Variants in ESR1 observed in about 807,000 individuals in gnomAD.
ESR1 encodes estrogen receptor 1, also known as estrogen receptor.
A neutral mutation model predicts 52.7 loss-of-function variants in ESR1; 12 were observed. The ratio of observed to expected loss-of-function variants is 0.23; its 90% confidence interval spans 0.15 to 0.37. ESR1 has a LOEUF of 0.37. Among genes scored for constraint, ESR1 ranks in the 10% least tolerant of loss-of-function variants. ESR1 has a pLI of 1.00. For missense variants in ESR1, 584 were observed against 779.7 expected (o/e 0.75, Z 2.99); for synonymous variants, 305 against 316.8 (o/e 0.96, Z 0.39).
At chr6:151,735,506 C>T (rs1782574963) in intron 2 of ESR1, among the ~76,000 whole-genome samples, 1 of 152,064 alleles carries the variant, frequency 6.6e-6, no homozygotes, top group Non-Finnish European at 1.5e-5. Context: ...TGGTCCCCTC[C>T]TAGAAGATAA....
intron 1 of ESR1, among the ~76,000 whole-genome samples, chr6:151,680,965 GC>G (rs888909029): frequency 3.3e-5 from 5 of 152,122 alleles, no homozygotes; most frequent in African/African-American, 1.2e-4. Context: ...AGGGGTAGAC[GC>G]CCCGTCTCTG....
intron 3 of ESR1, among the ~76,000 whole-genome samples, chr6:151,915,401 A>G (rs926960679): frequency 2.6e-5 from 4 of 152,218 alleles, no homozygotes; most frequent in African/African-American, 7.2e-5. Context: ...CTGAAATTAT[A>G]GCAACAGGAG....
At chr6:151,694,610 A>G (rs888714334) in intron 1 of ESR1, among the ~76,000 whole-genome samples, 12 of 152,134 alleles carry the variant, frequency 7.9e-5, no homozygotes, top group Admixed American at 4.6e-4. Context: ...CAACACGGTG[A>G]AACCCGTCTC....
chr6:151,981,072 A>C (rs1419069616), intron 4 of ESR1, among the ~76,000 whole-genome samples: 1 of 152,206 alleles, frequency 6.6e-6, no homozygotes, highest in Admixed American at 6.5e-5. Flanking sequence ...GATTAGAAAA[A>C]AATGACCAGA....
exon 7 of ESR1, chr6:152,125,403 G>A: frequency 6.6e-7 from 1 of 1,514,734 alleles, no homozygotes; most frequent in Non-Finnish European, 8.9e-7. Context: ...TCCGTGTGTG[G>A]ACGTGGGGAC....
chr6:151,755,443 T>G (rs1156308546), intron 2 of ESR1, among the ~76,000 whole-genome samples: 1 of 152,032 alleles, frequency 6.6e-6, no homozygotes, highest in Non-Finnish European at 1.5e-5. Flanking sequence ...CTATCTGGAA[T>G]TTAACCACTT....
chr6:152,106,147 C>A (rs1411655910), downstream of ESR1, among the ~76,000 whole-genome samples: 2 of 152,152 alleles, frequency 1.3e-5, no homozygotes, highest in African/African-American at 4.8e-5. Context: ...TAACTTAAAT[C>A]TGATGACATA....
At chr6:151,965,777 CT>C (rs1275228749) in intron 4 of ESR1, among the ~76,000 whole-genome samples, 1 of 152,066 alleles carries the variant, frequency 6.6e-6, no homozygotes, top group Non-Finnish European at 1.5e-5. Context: ...TTCTTTTCCC[CT>C]ACCCATTCTC....
chr6:151,861,553 A>T (rs1285844195), intron 2 of ESR1, among the ~76,000 whole-genome samples: 1 of 152,152 alleles, frequency 6.6e-6, no homozygotes, highest in African/African-American at 2.4e-5. Context: ...CAAACTGTAG[A>T]TGAGCATTGT....
chr6:151,999,642 G>A (rs1016929211), intron 4 of ESR1, among the ~76,000 whole-genome samples: 1 of 152,050 alleles, frequency 6.6e-6, no homozygotes, highest in Non-Finnish European at 1.5e-5. Flanking sequence ...TTTTGGATTC[G>A]AGAGAAAATA....
intron 1 of ESR1, among the ~76,000 whole-genome samples, chr6:151,684,329 A>G (rs1250106217): frequency 6.6e-6 from 1 of 152,164 alleles, no homozygotes; most frequent in Non-Finnish European, 1.5e-5. Flanking sequence ...CTGAAGTTGA[A>G]GGCTGGAGAG....
chr6:151,916,983 G>C (rs2030389114), intron 3 of ESR1, among the ~76,000 whole-genome samples: 1 of 152,150 alleles, frequency 6.6e-6, no homozygotes, highest in African/African-American at 2.4e-5. Flanking sequence ...ACTTGTTTGT[G>C]ACCCAATTGT....
chr6:151,961,606 G>A (rs1432914160), intron 4 of ESR1, among the ~76,000 whole-genome samples: 1 of 152,074 alleles, frequency 6.6e-6, no homozygotes, highest in Non-Finnish European at 1.5e-5. Flanking sequence ...AGGAGGACAG[G>A]CAGGAAGGTA....
At chr6:151,849,223 C>T (rs756948825) in intron 2 of ESR1, among the ~76,000 whole-genome samples, 13 of 152,214 alleles carry the variant, frequency 8.5e-5, no homozygotes, top group South Asian at 6.2e-4. Flanking sequence ...CATCAGGTAC[C>T]GTGCAAACTT....
chr6:151,859,715 T>C (rs1788532007), intron 2 of ESR1, among the ~76,000 whole-genome samples: 1 of 152,236 alleles, frequency 6.6e-6, no homozygotes, highest in South Asian at 2.1e-4. Context: ...AGAAGGACTC[T>C]GCTTGGCCCA....
intron 5 of ESR1, among the ~76,000 whole-genome samples, chr6:152,033,127 T>C (rs1241266958): frequency 6.6e-6 from 1 of 152,086 alleles, no homozygotes; most frequent in African/African-American, 2.4e-5. Flanking sequence ...TTACACCTTA[T>C]ACAAAAATTA....
intron 1 of ESR1, among the ~76,000 whole-genome samples, chr6:151,809,605 T>G (rs1490531263): frequency 6.6e-6 from 1 of 152,202 alleles, no homozygotes; most frequent in East Asian, 1.9e-4. Context: ...GTATTCTGTT[T>G]CCAGGGATAT....
At chr6:152,071,639 A>G (rs2048358914) in intron 6 of ESR1, among the ~76,000 whole-genome samples, 1 of 152,238 alleles carries the variant, frequency 6.6e-6, no homozygotes, top group Non-Finnish European at 1.5e-5. Flanking sequence ...GTGTATGCAT[A>G]TATTCATATT....
intron 2 of ESR1, among the ~76,000 whole-genome samples, chr6:151,876,013 C>T (rs574822843): frequency 6.6e-6 from 1 of 152,168 alleles, no homozygotes; most frequent in Admixed American, 6.5e-5. Flanking sequence ...GGCAAAGGGT[C>T]CTGCGGTGGG....
Sources: allele counts gnomAD v4.1 joint callset (sites outside exome capture counted in the v4.1 genomes callset), GRCh38; gene constraint gnomAD v4.1.1; transcripts MANE v1.5; gene names NCBI Gene and HGNC (gene_info 2026-07-23, HGNC 2026-07-21).